Variants in PDZRN4 observed in about 807,000 individuals in gnomAD.
PDZRN4 encodes PDZ domain-containing RING finger protein 4.
In PDZRN4, 70 loss-of-function variants were observed where a neutral mutation model predicts 99.0. That is an observed-to-expected ratio of 0.71 (90% confidence interval 0.58 to 0.86). PDZRN4 has a LOEUF of 0.86. Ranked by LOEUF, PDZRN4 falls within the 40% of genes least tolerant of loss-of-function variation. The pLI is 0.00. For synonymous variants in PDZRN4, 551 were observed against 501.6 expected, an observed-to-expected ratio of 1.10 and a Z score of -1.32; for missense variants, 1,474 against 1,331.2, an observed-to-expected ratio of 1.11 and a Z score of -1.67.
At chr12:41,552,595 T>C (rs1939076930) in intron 5 of PDZRN4, 61 bp from the exon 6 acceptor site, 1 of 1,270,900 alleles carries the variant, frequency 7.9e-7, no homozygotes, top group South Asian at 1.2e-5. Context: ...CAGTGAGTTC[T>C]CCATTCTGTT....
intron 3 of PDZRN4, among the ~76,000 whole-genome samples, chr12:41,263,321 G>A (rs1376636461): frequency 6.6e-6 from 1 of 152,194 alleles, no homozygotes; most frequent in Non-Finnish European, 1.5e-5. Context: ...GGGTGGCCGA[G>A]GTGGGCGGAT....
chr12:41,571,374 T>TCACA (rs1254502549), intron 9 of PDZRN4, among the ~76,000 whole-genome samples: 1,044 of 60,698 alleles, frequency 0.017, 14 homozygotes, highest in African/African-American at 0.071. Flanking sequence ...TCTCTCTCTC[T>TCACA]CTCACACACA....
chr12:41,405,769 A>G (rs1952343420), intron 3 of PDZRN4, among the ~76,000 whole-genome samples: 1 of 152,198 alleles, frequency 6.6e-6, no homozygotes, highest in African/African-American at 2.4e-5. Context: ...ACACAGCCAT[A>G]AAGAAGAATG....
chr12:41,290,015 G>T (rs1293772199), intron 3 of PDZRN4, among the ~76,000 whole-genome samples: 1 of 152,116 alleles, frequency 6.6e-6, no homozygotes, highest in Admixed American at 6.5e-5. Context: ...TAAGCTTAAG[G>T]CTATCTACTG....
rs183446672 is a variant in PDZRN4, at chr12:41,323,247, C to G, written c.843+129059C>G. Among the ~76,000 whole-genome samples, 9 of 152,106 alleles carry G rather than the reference C, an allele frequency of 5.9e-5. No individual in the cohort carries two copies. In the East Asian group the frequency reaches 1.7e-3, roughly 29 times the overall value. On this transcript the variant is annotated intron_variant, in intron 3 of 9. Coordinates refer to ENST00000402685, the MANE Select transcript of PDZRN4 (RefSeq NM_001164595.2). ...AACAGTCTTCTATGGAGAGGACATG[C>G]CTTAAAGGAAATATTTAAATAAAGT...
At chr12:41,506,376 C>A in intron 3 of PDZRN4, 80 bp from the exon 4 acceptor site, 1 of 1,355,282 alleles carries the variant, frequency 7.4e-7, no homozygotes, top group Non-Finnish European at 1.0e-6. Flanking sequence ...TGAAACCTTT[C>A]TCTCTGTCTT....
intron 3 of PDZRN4, among the ~76,000 whole-genome samples, chr12:41,470,244 A>G (rs536301144): frequency 6.6e-6 from 1 of 152,172 alleles, no homozygotes; most frequent in Admixed American, 6.5e-5. Flanking sequence ...AATCACCCTC[A>G]TGCTTAATAA....
chr12:41,462,388 A>G (rs1952881031), intron 3 of PDZRN4, among the ~76,000 whole-genome samples: 1 of 152,210 alleles, frequency 6.6e-6, no homozygotes. Context: ...TTAAGTTTTC[A>G]TTATGCTTTA....
chr12:41,559,089 C>T (rs1284166432), intron 7 of PDZRN4, among the ~76,000 whole-genome samples: 2 of 152,104 alleles, frequency 1.3e-5, no homozygotes, highest in Non-Finnish European at 1.5e-5. Flanking sequence ...GTCAATGGCC[C>T]TGCCCTCACT....
chr12:41,506,513 A>G lies in PDZRN4; in HGVS notation c.901A>G (p.Asn301Asp), dbSNP rs367774138. 5.0e-6 allele frequency: 8 copies of G among 1,613,656 alleles called. No individual in the cohort carries two copies. The highest frequency in any genetic ancestry group is 6.8e-6 in the Non-Finnish European group (8 of 1,179,810). Reference sequence around the variant, plus strand: ...TGAAGAGGCAGTGGAAGCTTTTCGCAATGCCAAGGAGCCCATTGTGGTGCA... The same window carrying G: ...TGAAGAGGCAGTGGAAGCTTTTCGCGATGCCAAGGAGCCCATTGTGGTGCA... ...THEEAVEAFR[N>D]AKEPIVVQVL... Residue 301 changes from asparagine to aspartate, a missense_variant, in exon 4 of 10, where the codon AAT becomes GAT. By Grantham distance (23) the Asn-to-Asp change is conservative. Coordinates refer to ENST00000402685, the MANE Select transcript of PDZRN4 (RefSeq NM_001164595.2).
chr12:41,206,913 T>G (rs1950854828), intron 3 of PDZRN4, among the ~76,000 whole-genome samples: 1 of 151,950 alleles, frequency 6.6e-6, no homozygotes. Context: ...TGTTACTCTT[T>G]TAGAGGGACC....
Position 41,574,076 on chromosome 12 carries a change from G to A in PDZRN4, c.*186G>A. On this transcript the variant is annotated 3_prime_UTR_variant, in exon 10 of 10. Transcript: ENST00000402685. ...TTTCATATACTGGTACCTTCTTTTTGGCTGAGATCTTTCTTTTACTTGTGA... is the reference window on the plus strand; with the variant it reads ...TTTCATATACTGGTACCTTCTTTTTAGCTGAGATCTTTCTTTTACTTGTGA... 1 of 406,062 alleles carries A rather than the reference G, an allele frequency of 2.5e-6. No homozygotes were observed. The allele number at this position is 406,062 out of a possible 1,614,324, so 25.2% of individuals were successfully genotyped here.
chr12:41,277,597 G>T (rs1951357459), intron 3 of PDZRN4, among the ~76,000 whole-genome samples: 1 of 152,188 alleles, frequency 6.6e-6, no homozygotes, highest in South Asian at 2.1e-4. Context: ...GTGGGTGGAT[G>T]ATTGACTCTG....
At chr12:41,563,685 T>A (rs769145711) in intron 8 of PDZRN4, 36 bp downstream of exon 8, 6 of 1,323,404 alleles carry the variant, frequency 4.5e-6, no homozygotes, top group Middle Eastern at 1.8e-4. Flanking sequence ...AGACTGAACT[T>A]TATATTCATT....
intron 3 of PDZRN4, among the ~76,000 whole-genome samples, chr12:41,480,145 G>A (rs1462235288): frequency 2.6e-5 from 4 of 151,980 alleles, no homozygotes; most frequent in East Asian, 1.9e-4. Context: ...TCTCATGCAC[G>A]ATAATCATCT....
At position 41,395,159 on chromosome 12, in the gene PDZRN4, A is replaced by G. The variant is rs182032827; in HGVS notation, c.844-111297A>G. Among the ~76,000 whole-genome samples the G allele has an allele frequency of 5.9e-5, 9 of 152,290 alleles. No individual in the cohort carries two copies. In the East Asian group the frequency reaches 1.2e-3, roughly 20 times the overall value. ...GAACTTCATCATCCATATCAAGTCT[A>G]GGTGTGGATGAGTCTCTTCTGCTAT... On this transcript the variant is annotated intron_variant, in intron 3 of 9. Transcript: ENST00000402685.
chr12:41,489,963 C>A (rs1937851991), intron 3 of PDZRN4, among the ~76,000 whole-genome samples: 1 of 151,996 alleles, frequency 6.6e-6, no homozygotes, highest in Non-Finnish European at 1.5e-5. Flanking sequence ...AAATTAACAA[C>A]CATTTCCTAT....
intron 3 of PDZRN4, among the ~76,000 whole-genome samples, chr12:41,314,759 G>T (rs1951628000): frequency 6.6e-6 from 1 of 150,568 alleles, no homozygotes. Flanking sequence ...TTTTGCTTTT[G>T]TTTTTCCCAT....
chr12:41,435,623 C>T (rs937387363), intron 3 of PDZRN4, among the ~76,000 whole-genome samples: 1 of 151,970 alleles, frequency 6.6e-6, no homozygotes, highest in Non-Finnish European at 1.5e-5. Context: ...CCCGTCTCTA[C>T]TAAAAATACA....
Sources: allele counts gnomAD v4.1 joint callset (sites outside exome capture counted in the v4.1 genomes callset), GRCh38; gene constraint gnomAD v4.1.1; transcripts MANE v1.5; gene names NCBI Gene and HGNC (gene_info 2026-07-23, HGNC 2026-07-21).